ZNF609: variants seen among roughly 807,000 people sequenced by gnomAD.
ZNF609 encodes zinc finger protein 609.
Under a neutral mutation model 109.5 loss-of-function variants are expected in ZNF609, and 11 were observed. The observed-to-expected ratio is 0.10, with a 90% CI of 0.06 to 0.17. The LOEUF is 0.17. Among genes scored for constraint, ZNF609 ranks in the 10% least tolerant of loss-of-function variants. The pLI is 1.00. For missense variants in ZNF609, 1,559 were observed against 1,772.4 expected (o/e 0.88, Z 2.16); for synonymous variants, 646 against 662.0 (o/e 0.98, Z 0.37).
Position 64,499,859 on chromosome 15 carries a change from C to T in ZNF609, c.440C>T (p.Ala147Val). The change falls in exon 2 of 10, where the codon GCT becomes GTT. Residue 147 changes from alanine to valine, a missense_variant. This residue lies in a region of ZNF609 where 291 missense variants were observed against 317.8 expected (regional missense o/e 0.92). Transcript: ENST00000326648. The stretch of plus-strand genomic sequence containing the variant: ...GCTCCCAAGGGCTCAGAGAAGGCGG[C>T]TAAGGCATCCCGCAGTGTAGCCGGT... ...AIAPKGSEKA[A>V]KASRSVAGSK... 1 of 1,613,996 alleles carries T rather than the reference C, an allele frequency of 6.2e-7. No homozygotes were observed. The highest frequency in any genetic ancestry group is 8.5e-7 in the Non-Finnish European group (1 of 1,179,980).
At chr15:64,529,268 G>A (rs980133854) in intron 2 of ZNF609, 31 of 713,502 alleles carry the variant, frequency 4.3e-5, no homozygotes, top group Non-Finnish European at 6.7e-5. Flanking sequence ...CATGGTTCAC[G>A]CCCATCACAA....
At chr15:64,508,942 C>T (rs1286183734) in intron 2 of ZNF609, among the ~76,000 whole-genome samples, 3 of 152,092 alleles carry the variant, frequency 2.0e-5, no homozygotes, top group African/African-American at 7.2e-5. Flanking sequence ...GATCCTCCTG[C>T]CTTGGCCTCC....
intron 2 of ZNF609, among the ~76,000 whole-genome samples, chr15:64,619,245 C>T (rs1342496368): frequency 6.6e-6 from 1 of 152,192 alleles, no homozygotes; most frequent in Non-Finnish European, 1.5e-5. Flanking sequence ...AGCACTCCTC[C>T]TGCCTTGGCC....
chr15:64,516,871 A>G (rs922026635), intron 2 of ZNF609, among the ~76,000 whole-genome samples: 4 of 152,176 alleles, frequency 2.6e-5, no homozygotes, highest in African/African-American at 7.2e-5. Flanking sequence ...CTACCGAACA[A>G]TAAGTCCAGT....
At chr15:64,601,108 A>G (rs1895491070) in intron 2 of ZNF609, among the ~76,000 whole-genome samples, 1 of 152,160 alleles carries the variant, frequency 6.6e-6, no homozygotes, top group South Asian at 2.1e-4. Flanking sequence ...CTTGTTCCTG[A>G]TGCCACCACT....
intron 2 of ZNF609, among the ~76,000 whole-genome samples, chr15:64,567,125 T>G (rs1894788417): frequency 1.3e-5 from 2 of 152,188 alleles, no homozygotes; most frequent in South Asian, 4.1e-4. Flanking sequence ...TTTAAATACT[T>G]TAAAAGCAGG....
intron 2 of ZNF609, among the ~76,000 whole-genome samples, chr15:64,579,071 A>C (rs1244618878): frequency 1.3e-5 from 2 of 150,608 alleles, no homozygotes; most frequent in Non-Finnish European, 2.9e-5. Context: ...TAAAAATTAT[A>C]AAACAAAAAA....
At chr15:64,610,167 A>G (rs1337852195) in intron 2 of ZNF609, among the ~76,000 whole-genome samples, 1 of 152,138 alleles carries the variant, frequency 6.6e-6, no homozygotes, top group African/African-American at 2.4e-5. Context: ...GGAGACCCCC[A>G]TCTTTACAAA....
chr15:64,586,326 CAAA>C (rs1206630683), intron 2 of ZNF609, among the ~76,000 whole-genome samples: 10 of 92,828 alleles, frequency 1.1e-4, no homozygotes, highest in Admixed American at 1.2e-4. Context: ...AACTCGGTCT[CAAA>C]AAAAAAAAAA....
At chr15:64,514,149 G>A (rs684479) in intron 2 of ZNF609, among the ~76,000 whole-genome samples, 127,960 of 151,748 alleles carry the variant, frequency 0.84, 55,938 homozygotes, top group East Asian at 0.96. Flanking sequence ...CAGAGCATAT[G>A]CTCAATAAGC....
intron 2 of ZNF609, among the ~76,000 whole-genome samples, chr15:64,570,275 C>T (rs544225240): frequency 7.9e-5 from 12 of 152,326 alleles, no homozygotes; most frequent in African/African-American, 2.9e-4. Context: ...GGTAATCTGA[C>T]TTATATCTTC....
chr15:64,655,112 T>A (rs1372117008), intron 3 of ZNF609, among the ~76,000 whole-genome samples: 3 of 122,122 alleles, frequency 2.5e-5, no homozygotes, highest in Non-Finnish European at 1.8e-5. Flanking sequence ...AAAAAAAGTA[T>A]AGCACCAAGT....
intron 2 of ZNF609, among the ~76,000 whole-genome samples, chr15:64,511,560 A>C (rs1176140751): frequency 6.6e-6 from 1 of 151,940 alleles, no homozygotes; most frequent in African/African-American, 2.4e-5. Context: ...TGTATCCTAT[A>C]ACATCTGAAT....
At chr15:64,540,685 T>TGA (rs1894236722) in intron 2 of ZNF609, among the ~76,000 whole-genome samples, 1 of 150,968 alleles carries the variant, frequency 6.6e-6, no homozygotes, top group Non-Finnish European at 1.5e-5. Flanking sequence ...ATTACAGGTG[T>TGA]GAGATACCGT....
At chr15:64,474,588 T>C (rs878967903) in intron 1 of ZNF609, among the ~76,000 whole-genome samples, 1 of 152,170 alleles carries the variant, frequency 6.6e-6, no homozygotes, top group Non-Finnish European at 1.5e-5. Flanking sequence ...TTTTTTGTAT[T>C]GCATACTACA....
intron 2 of ZNF609, among the ~76,000 whole-genome samples, chr15:64,620,004 G>T (rs544620006): frequency 6.6e-6 from 1 of 152,314 alleles, no homozygotes; most frequent in Non-Finnish European, 1.5e-5. Context: ...GCTGTCCTCA[G>T]TGGCTGAGAG....
intron 2 of ZNF609, among the ~76,000 whole-genome samples, chr15:64,607,819 C>T: frequency 1.8e-4 from 1 of 5,518 alleles, no homozygotes; most frequent in Non-Finnish European, 7.0e-4. Flanking sequence ...ATGTTTTCTT[C>T]TTTCTTTCTT....
At chr15:64,486,023 A>G (rs1349477328) in intron 1 of ZNF609, among the ~76,000 whole-genome samples, 1 of 152,148 alleles carries the variant, frequency 6.6e-6, no homozygotes, top group African/African-American at 2.4e-5. Context: ...CACCACAGTC[A>G]AGATACAGAC....
At chr15:64,640,681 A>G (rs1280251486) in intron 3 of ZNF609, among the ~76,000 whole-genome samples, 1 of 152,164 alleles carries the variant, frequency 6.6e-6, no homozygotes, top group Non-Finnish European at 1.5e-5. Flanking sequence ...TTCCATTGAG[A>G]TGATACCATC....
Sources: gnomAD v4.1 joint callset for allele counts (sites outside exome capture counted in the v4.1 genomes callset) on GRCh38, gnomAD v4.1.1 for gene constraint, gnomAD v4.1.1 regional missense constraint, MANE v1.5 for transcripts, NCBI Gene and HGNC (gene_info 2026-07-23, HGNC 2026-07-21) for gene names.